RPS6KA6: variants seen among roughly 807,000 people sequenced by gnomAD.
RPS6KA6 encodes ribosomal protein S6 kinase A6.
A neutral mutation model predicts 65.4 loss-of-function variants in RPS6KA6; 27 were observed. That is an observed-to-expected ratio of 0.41 (90% CI 0.30 to 0.57). RPS6KA6 has a LOEUF of 0.57. Ranked by LOEUF, RPS6KA6 falls within the 20% of genes least tolerant of loss-of-function variation. The pLI, the probability that RPS6KA6 is intolerant of heterozygous loss-of-function variation, is 0.24. For synonymous variants in RPS6KA6, 190 were observed against 184.2 expected, an observed-to-expected ratio of 1.03 and a Z score of -0.26; for missense variants, 486 against 555.6, an observed-to-expected ratio of 0.87 and a Z score of 1.26.
chrX:84,073,723 AAT>A (rs200765969), intron 20 of RPS6KA6, among the ~76,000 whole-genome samples: 1,733 of 111,285 alleles, frequency 0.016, 23 homozygotes, highest in African/African-American at 0.054. Flanking sequence ...AAAAAATCTA[AAT>A]AGACTTTTTT....
intron 20 of RPS6KA6, among the ~76,000 whole-genome samples, chrX:84,073,939 C>T (rs1217798613): frequency 9.0e-6 from 1 of 111,264 alleles, no homozygotes; most frequent in East Asian, 2.8e-4. Context: ...TAAACTAGTA[C>T]AGCCACTATG....
At chrX:84,172,893 T>C (rs1283001617) in intron 1 of RPS6KA6, among the ~76,000 whole-genome samples, 1 of 111,404 alleles carries the variant, frequency 9.0e-6, no homozygotes, top group Non-Finnish European at 1.9e-5. Context: ...GTTCCATTTA[T>C]ATAAGGTATC....
Position 84,102,017 on chromosome X carries a change from G to T in RPS6KA6, c.1776+20C>A. The T allele has an allele frequency of 1.7e-6, 2 of 1,145,764 alleles. No individual in the cohort carries two copies. Among genetic ancestry groups the T allele is most frequent in the East Asian group, 6.3e-5 (2 of 31,737 alleles). 94.4% of individuals were successfully genotyped at this position (1,145,764 alleles called of 1,213,427 possible). A position where few individuals can be genotyped will look rare whatever the true frequency, so the allele number is the denominator to read the frequency against. The stretch of plus-strand genomic sequence containing the variant: ...AAAGGAAAAGAATGAAAGGCAAATG[G>T]TGAAGTTTTTAAGGAATACCTCAGG... On this transcript the variant is annotated intron_variant, in intron 18 of 21. Transcript: ENST00000262752.
At position 84,116,217 on chromosome X, in the gene RPS6KA6, TA is replaced by T. The variant is rs1330128750; in HGVS notation, c.1008+11del. ...TGAAGTTATTCAATAACAAGCTTTC[TA>T]CTTAACTTACATCCCAGTCAATATT... On this transcript the variant is annotated intron_variant, in intron 12 of 21. Coordinates refer to ENST00000262752, the MANE Select transcript of RPS6KA6 (RefSeq NM_014496.5). 1 of 1,073,623 alleles carries T rather than the reference TA, an allele frequency of 9.3e-7. No individual in the cohort carries two copies. The highest frequency in any genetic ancestry group is 1.3e-6 in the Non-Finnish European group (1 of 781,498). 88.5% of individuals were successfully genotyped at this position (1,073,623 alleles called of 1,213,427 possible). A position where few individuals can be genotyped will look rare whatever the true frequency, so the allele number is the denominator to read the frequency against.
At chrX:84,132,926 A>G (rs1358245961) in intron 8 of RPS6KA6, among the ~76,000 whole-genome samples, 1 of 110,561 alleles carries the variant, frequency 9.0e-6, no homozygotes, top group Admixed American at 9.7e-5. Context: ...AAAAAAAAAA[A>G]GTATTGCCAT....
In RPS6KA6 at chrX:84,102,047, A is replaced by G; in HGVS notation, c.1766T>C (p.Val589Ala). The G allele has an allele frequency of 8.5e-7, 1 of 1,179,606 alleles. No individual in the cohort carries two copies. The highest frequency in any genetic ancestry group is 1.1e-6 in the Non-Finnish European group (1 of 880,657). The change falls in exon 18 of 22, where the codon GTT becomes GCT. Residue 589 changes from valine to alanine, a missense_variant. Physicochemically the swap from Val to Ala is moderately conservative, Grantham distance 64 (BLOSUM62 0). Coordinates refer to ENST00000262752, the MANE Select transcript of RPS6KA6 (RefSeq NM_014496.5). ...LLTPCYTANF[V>A]APEVLMQQGY... ...GTTTTTAAGGAATACCTCAGGTGCA[A>G]CAAAGTTTGCAGTGTAGCATGGAGT...
chrX:84,122,119 T>C (rs935988235), intron 8 of RPS6KA6, among the ~76,000 whole-genome samples: 3 of 111,718 alleles, frequency 2.7e-5, no homozygotes, highest in Non-Finnish European at 5.6e-5. Context: ...TTTAACTTCA[T>C]ATTGCTGAAA....
intron 8 of RPS6KA6, among the ~76,000 whole-genome samples, chrX:84,124,724 A>C (rs2034743966): frequency 8.9e-6 from 1 of 111,847 alleles, no homozygotes; most frequent in African/African-American, 3.3e-5. Context: ...AGACAGAGAA[A>C]GACGGATAAG....
At chrX:84,128,405 A>C (rs994613763) in intron 8 of RPS6KA6, among the ~76,000 whole-genome samples, 7 of 111,778 alleles carry the variant, frequency 6.3e-5, no homozygotes, top group Admixed American at 4.7e-4. Flanking sequence ...TGAAAGAGTC[A>C]ATATTGTTAA....
intron 8 of RPS6KA6, among the ~76,000 whole-genome samples, chrX:84,126,127 C>T (rs1047646367): frequency 9.0e-6 from 1 of 111,118 alleles, no homozygotes; most frequent in Non-Finnish European, 1.9e-5. Context: ...CATAAAGATA[C>T]ATACAGACTG....
intron 6 of RPS6KA6, among the ~76,000 whole-genome samples, chrX:84,141,694 CT>C (rs1162631007): frequency 9.0e-6 from 1 of 111,275 alleles, no homozygotes; most frequent in Non-Finnish European, 1.9e-5. Context: ...CAAACTAACA[CT>C]ACTTTTTTAG....
intron 2 of RPS6KA6, 105 bp downstream of exon 2, chrX:84,164,223 A>G (rs2035562438): frequency 3.3e-6 from 2 of 601,356 alleles, no homozygotes; most frequent in East Asian, 6.9e-5. Context: ...GCTTATTACC[A>G]ACTTACCTGA....
chrX:84,187,748 C>T, intron 1 of RPS6KA6, 71 bp downstream of exon 1: 3 of 1,052,145 alleles, frequency 2.9e-6, no homozygotes, highest in Non-Finnish European at 3.9e-6. Context: ...CTCCTCTCTC[C>T]GTCCCCAGCC....
chrX:84,097,652 T>C, intron 19 of RPS6KA6, 120 bp downstream of exon 19: 4 of 436,102 alleles, frequency 9.2e-6, no homozygotes, highest in Non-Finnish European at 1.6e-5. Context: ...TCAATATTAA[T>C]ATTTTGAAAT....
chrX:84,158,632 CTGAG>C (rs1319304946), intron 2 of RPS6KA6, among the ~76,000 whole-genome samples: 1 of 111,040 alleles, frequency 9.0e-6, no homozygotes, highest in East Asian at 2.8e-4. Context: ...TTACACTGTG[CTGAG>C]TATGTGTTGT....
chrX:84,127,146 G>T (rs780977483), intron 8 of RPS6KA6, among the ~76,000 whole-genome samples: 3 of 111,091 alleles, frequency 2.7e-5, no homozygotes, highest in African/African-American at 9.8e-5. Context: ...GATGAAAAAG[G>T]AAATATTACG....
chrX:84,179,536 A>G (rs1195717559), intron 1 of RPS6KA6, among the ~76,000 whole-genome samples: 1 of 112,045 alleles, frequency 8.9e-6, no homozygotes, highest in African/African-American at 3.2e-5. Context: ...ACATAATATC[A>G]TGAATAAAGA....
intron 19 of RPS6KA6, among the ~76,000 whole-genome samples, chrX:84,096,598 C>T (rs1422916273): frequency 9.0e-6 from 1 of 111,280 alleles, no homozygotes; most frequent in Non-Finnish European, 1.9e-5. Context: ...AAGCTTCAGT[C>T]TTAAAACTAG....
rs1036234471 is a variant in RPS6KA6, at chrX:84,058,984, A to G, written c.*5293T>C. The G allele has an allele frequency of 9.2e-6, 1 of 108,337 alleles. No individual in the cohort carries two copies. Among genetic ancestry groups the G allele is most frequent in the African/African-American group, 3.4e-5 (1 of 29,781 alleles). The allele number at this position is 108,337 out of a possible 1,213,427, so 8.9% of individuals were successfully genotyped here. A position where few individuals can be genotyped will look rare whatever the true frequency, so the allele number is the denominator to read the frequency against. ...TCCTGTTTTTTTTTTTTTTTATCAA[A>G]CAGAAAAACCACCTTCTCCTTTTTT... is the stretch of plus-strand genomic sequence containing the variant. On this transcript the variant is annotated 3_prime_UTR_variant, in exon 22 of 22. Transcript: ENST00000262752.
Sources: gnomAD v4.1 joint callset for allele counts (sites outside exome capture counted in the v4.1 genomes callset) on GRCh38, gnomAD v4.1.1 for gene constraint, MANE v1.5 for transcripts, NCBI Gene and HGNC (gene_info 2026-07-23, HGNC 2026-07-21) for gene names.